SIRPB2: variants seen among roughly 807,000 people sequenced by gnomAD.
The protein encoded by SIRPB2 is signal-regulatory protein beta-2.
SIRPB2 carries 18 observed loss-of-function variants against 27.1 expected under a neutral mutation model. The observed-to-expected ratio is 0.66, with a 90% CI of 0.46 to 0.98. The LOEUF is 0.98. SIRPB2 is among the 50% of genes least tolerant of loss of function. The pLI, the probability that SIRPB2 is intolerant of heterozygous loss-of-function variation, is 0.00. For synonymous variants in SIRPB2, 150 were observed against 164.6 expected (o/e 0.91, Z 0.68); for missense variants, 420 against 417.4 (o/e 1.01, Z -0.06).
In SIRPB2 at chr20:1,476,314, A is replaced by AG. The variant is rs763302714; in HGVS notation, c.881dup (p.Val295CysfsTer98). 2 of 1,613,000 alleles carry AG rather than the reference A, an allele frequency of 1.2e-6. No individual in the cohort carries two copies. Among genetic ancestry groups the AG allele is most frequent in the Middle Eastern group, 3.5e-4 (2 of 5,770 alleles). On this transcript the variant is annotated frameshift_variant, in exon 5 of 5. Transcript: ENST00000359801. LOFTEE classifies it low-confidence loss of function (END_TRUNC). Reference sequence around the variant, plus strand: ...TAATTGCCTTCAGCCCCAGGACCACAGGTGCGAACACAACCAGGAGGCCTG... The same window carrying AG: ...TAATTGCCTTCAGCCCCAGGACCACAGGGTGCGAACACAACCAGGAGGCCTG...
rs1374755172 is a variant in SIRPB2, at chr20:1,478,506, C to A, written c.553G>T (p.Asp185Tyr). 6.2e-7 allele frequency: 1 copy of A among 1,614,044 alleles called. No individual in the cohort carries two copies. Among genetic ancestry groups the A allele is most frequent in the East Asian group, 2.2e-5 (1 of 44,900 alleles). Residue 185 changes from aspartate to tyrosine, a missense_variant, in exon 3 of 5, where the codon GAC (aspartate) becomes TAC (tyrosine). Physicochemically the swap from Asp to Tyr is radical, Grantham distance 160. Transcript: ENST00000359801. ...TVFLNCTVLG[D>Y]GPPGPIRWFQ... ...CACCTGATGGGTCCAGGGGGACCGT[C>A]TCCAAGCACTGTGCAGTTCAGAAAG... is the stretch of plus-strand genomic sequence containing the variant.
chr20:1,489,871 C>A (rs1406726224), intron 1 of SIRPB2, among the ~76,000 whole-genome samples: 2 of 152,122 alleles, frequency 1.3e-5, no homozygotes, highest in Non-Finnish European at 2.9e-5. Context: ...AACGGGAATG[C>A]AGGTCCCTTG....
intron 1 of SIRPB2, among the ~76,000 whole-genome samples, chr20:1,481,250 A>G (rs1286639970): frequency 6.6e-6 from 1 of 152,162 alleles, no homozygotes; most frequent in Admixed American, 6.5e-5. Flanking sequence ...TCCTGTGCTC[A>G]AGTGATTCCT....
chr20:1,491,354 G>A lies in SIRPB2; in HGVS notation c.6C>T (p.Cys2=), dbSNP rs757930758. The A allele has an allele frequency of 5.0e-6, 8 of 1,608,786 alleles. No individual in the cohort carries two copies. The Admixed American group carries it at 1.0e-4, about 20-fold the overall frequency. M[C]STMSAPTCLA... ...GGCAGGTGGGGGCCGACATCGTGGA[G>A]CACATGGCATCTTCTGTGGTCCCCA... The change falls in exon 1 of 5, where the codon TGC becomes TGT. Residue 2 remains cysteine, a synonymous_variant. Transcript: ENST00000359801.
chr20:1,476,770 T>A, intron 4 of SIRPB2: 1 of 1,042,938 alleles, frequency 9.6e-7, no homozygotes. Flanking sequence ...GGAAGGCAAA[T>A]CTGACCACAT....
At chr20:1,490,436 C>A (rs1041765557) in intron 1 of SIRPB2, among the ~76,000 whole-genome samples, 1 of 152,004 alleles carries the variant, frequency 6.6e-6, no homozygotes, top group Non-Finnish European at 1.5e-5. Flanking sequence ...AGTATCCCTG[C>A]CTGGTAGATC....
At chr20:1,482,928 C>T (rs1053700085) in intron 1 of SIRPB2, among the ~76,000 whole-genome samples, 2 of 152,052 alleles carry the variant, frequency 1.3e-5, no homozygotes, top group South Asian at 2.1e-4. Flanking sequence ...AATGCATGCA[C>T]TCCTTTGATA....
intron 1 of SIRPB2, among the ~76,000 whole-genome samples, chr20:1,483,710 G>A (rs1020819650): frequency 5.9e-5 from 9 of 152,158 alleles, no homozygotes; most frequent in African/African-American, 2.2e-4. Flanking sequence ...TCAGGAGGTT[G>A]TCTCTTCACT....
chr20:1,486,699 AAC>A (rs140477377), intron 1 of SIRPB2, among the ~76,000 whole-genome samples: 9 of 151,582 alleles, frequency 5.9e-5, no homozygotes, highest in African/African-American at 1.5e-4. Flanking sequence ...TTACTAAACT[AAC>A]ACACACACAC....
rs112120029 is a variant in SIRPB2, at chr20:1,476,363, C to CG, written c.860-28dup. The CG allele has an allele frequency of 1.1e-3, 1,756 of 1,596,402 alleles. 23 individuals are homozygous for CG. In the African/African-American group the frequency reaches 0.021, roughly 19 times the overall value. ...TGGGAGGCACAGGAGAGAGCTCAGG[C>CG]GGGACCCGTGGTGAGGGCCCCACAG... On this transcript the variant is annotated intron_variant, in intron 4 of 4. Transcript: ENST00000359801.
intron 1 of SIRPB2, among the ~76,000 whole-genome samples, chr20:1,487,259 T>G (rs2090735617): frequency 1.3e-5 from 2 of 152,132 alleles, no homozygotes; most frequent in African/African-American, 4.8e-5. Context: ...GTAAAGGAAC[T>G]GCAAACTGAA....
In SIRPB2 at chr20:1,477,155, G is replaced by C. The variant is rs767085617; in HGVS notation, c.859+183C>G. ...CCTGGCTATGAGAAAGTTCGTTATA[G>C]CTGAGCTGTTATAACATGGTTCTCT... On this transcript the variant is annotated intron_variant, in intron 4 of 4. Transcript: ENST00000359801. 3 of 1,564,338 alleles carry C rather than the reference G, an allele frequency of 1.9e-6. No individual in the cohort carries two copies. In the South Asian group the frequency reaches 3.5e-5, roughly 18 times the overall value.
downstream of SIRPB2, among the ~76,000 whole-genome samples, chr20:1,473,451 C>T (rs958822129): frequency 2.0e-5 from 3 of 152,116 alleles, no homozygotes; most frequent in Non-Finnish European, 4.4e-5. Flanking sequence ...TGCACACACA[C>T]CCACATAGGT....
intron 4 of SIRPB2, chr20:1,476,963 C>A (rs755181882): frequency 2.5e-6 from 3 of 1,208,612 alleles, no homozygotes; most frequent in African/African-American, 1.6e-5. Context: ...ACTCAAGGGG[C>A]GAGAACCTGC....
Position 1,476,312 on chromosome 20 carries a change from A to T in SIRPB2, c.884T>A (p.Val295Glu). 6.2e-7 allele frequency: 1 copy of T among 1,613,054 alleles called. No individual in the cohort carries two copies. Among genetic ancestry groups the T allele is most frequent in the Non-Finnish European group, 8.5e-7 (1 of 1,179,758 alleles). The change falls in exon 5 of 5, where the codon GTG becomes GAG. Residue 295 changes from valine to glutamate, a missense_variant. Transcript: ENST00000359801. ...GGTAATTGCCTTCAGCCCCAGGACC[A>T]CAGGTGCGAACACAACCAGGAGGCC... is the stretch of plus-strand genomic sequence containing the variant. ...PTGLLVVFAP[V>E]VLGLKAITLA...
chr20:1,480,613 G>T (rs959659862), intron 1 of SIRPB2, among the ~76,000 whole-genome samples: 1 of 152,180 alleles, frequency 6.6e-6, no homozygotes, highest in African/African-American at 2.4e-5. Flanking sequence ...ACGCATGCAG[G>T]GGGAAGACCA....
Position 1,478,302 on chromosome 20 carries a change from A to G in SIRPB2, c.757T>C (p.Tyr253His). 6.2e-7 allele frequency: 1 copy of G among 1,614,146 alleles called. No individual in the cohort carries two copies. The highest frequency in any genetic ancestry group is 8.5e-7 in the Non-Finnish European group (1 of 1,180,012). The change falls in exon 3 of 5, where the codon TAC (tyrosine) becomes CAC (histidine). Residue 253 changes from tyrosine to histidine, a missense_variant. Transcript: ENST00000359801. ...VKFQRKPNRQ[Y>H]LSGQGTSLKV... ...AGGCTGGTGCCCTGTCCAGACAGGT[A>G]TTGCCTGTTGGGTTTCCTCTGAAAC...
intron 1 of SIRPB2, among the ~76,000 whole-genome samples, chr20:1,488,382 G>A (rs2090746999): frequency 6.6e-6 from 1 of 152,158 alleles, no homozygotes; most frequent in Admixed American, 6.5e-5. Context: ...GACTTCGGGA[G>A]GCTGAGGCAG....
In SIRPB2 at chr20:1,489,240, G is replaced by A. The variant is rs569932005; in HGVS notation, c.85+2035C>T. On this transcript the variant is annotated intron_variant, in intron 1 of 4. Transcript: ENST00000359801. ...ATCACAAGGAAACTTTTGGGCGCTG[G>A]ATATGTTCATGATGCTGATTTTGGT... Among the ~76,000 whole-genome samples, 6 of 152,264 alleles carry A rather than the reference G, an allele frequency of 3.9e-5. No homozygotes were observed. The South Asian group carries it at 1.0e-3, about 26-fold the overall frequency.
Sources: gnomAD v4.1 joint callset for allele counts (sites outside exome capture counted in the v4.1 genomes callset) on GRCh38, gnomAD v4.1.1 for gene constraint, MANE v1.5 for transcripts, NCBI Gene and HGNC (gene_info 2026-07-23, HGNC 2026-07-21) for gene names.